The following SLCO3A1 variants were observed in gnomAD, a reference collection of about 807,000 sequenced individuals.
SLCO3A1 encodes PGE1 transporter.
SLCO3A1 carries 27 observed loss-of-function variants against 63.1 expected under a neutral mutation model. The observed-to-expected ratio is 0.43, with a 90% CI of 0.32 to 0.59. The LOEUF is 0.59. Among genes scored for constraint, SLCO3A1 ranks in the 20% least tolerant of loss-of-function variants. The pLI is 0.09. For synonymous variants in SLCO3A1, 473 were observed against 409.9 expected (o/e 1.15, Z -1.86); for missense variants, 773 against 945.8 (o/e 0.82, Z 2.40).
chr15:92,049,305 G>T (rs901243708), intron 2 of SLCO3A1, among the ~76,000 whole-genome samples: 4 of 152,158 alleles, frequency 2.6e-5, no homozygotes, highest in African/African-American at 9.7e-5. Context: ...CTGAAATCCA[G>T]ATTCCCAGGA....
rs1416386723 is a variant in SLCO3A1, at chr15:91,875,993, C to T, written c.180+21905C>T. Among the ~76,000 whole-genome samples, 1 of 152,150 alleles carries T rather than the reference C, an allele frequency of 6.6e-6. No individual in the cohort carries two copies. Among genetic ancestry groups the T allele is most frequent in the African/African-American group, 2.4e-5 (1 of 41,436 alleles). ...TAAAGAATTCTTAGAGTTGTGGTCT[C>T]AGATCTCTAGATCCCAGAGATGCCA... On this transcript the variant is annotated intron_variant, in intron 1 of 9. Coordinates refer to ENST00000318445, the MANE Select transcript of SLCO3A1 (RefSeq NM_013272.4). The surrounding 1 kb of genome is among the most constrained non-coding windows in gnomAD (Gnocchi z 4.5).
intron 1 of SLCO3A1, among the ~76,000 whole-genome samples, chr15:91,866,715 G>T (rs376182182): frequency 1.3e-4 from 20 of 151,588 alleles, no homozygotes; most frequent in Non-Finnish European, 2.7e-4. Flanking sequence ...GATTTATCGT[G>T]GGGGGGGAGA....
intron 2 of SLCO3A1, among the ~76,000 whole-genome samples, chr15:91,938,327 C>T (rs1040364708): frequency 6.6e-6 from 1 of 152,146 alleles, no homozygotes; most frequent in Admixed American, 6.5e-5. Context: ...TCCTCCTTCT[C>T]CCAAATTTCC....
chr15:92,110,824 C>T (rs117140380), intron 4 of SLCO3A1, among the ~76,000 whole-genome samples: 171 of 152,164 alleles, frequency 1.1e-3, no homozygotes, highest in East Asian at 2.1e-3. Context: ...CCTAAAGCTC[C>T]CCTGCCCCCT....
At chr15:92,041,950 G>A (rs573467265) in intron 2 of SLCO3A1, among the ~76,000 whole-genome samples, 1 of 152,202 alleles carries the variant, frequency 6.6e-6, no homozygotes, top group South Asian at 2.1e-4. Flanking sequence ...TGGGGGTGGG[G>A]TGTTATTTAA....
At chr15:91,983,974 G>A (rs1246599177) in intron 2 of SLCO3A1, among the ~76,000 whole-genome samples, 3 of 152,186 alleles carry the variant, frequency 2.0e-5, no homozygotes, top group East Asian at 3.9e-4. Flanking sequence ...AATCAAGACA[G>A]GGAGCTTGTG....
intron 2 of SLCO3A1, among the ~76,000 whole-genome samples, chr15:92,038,966 T>C (rs2046761744): frequency 6.6e-6 from 1 of 152,182 alleles, no homozygotes; most frequent in Non-Finnish European, 1.5e-5. Flanking sequence ...TACAACCATC[T>C]GATCTTCAAG....
downstream of SLCO3A1, among the ~76,000 whole-genome samples, chr15:92,168,718 G>C (rs755105686): frequency 6.6e-5 from 10 of 152,210 alleles, no homozygotes; most frequent in Non-Finnish European, 1.3e-4. Flanking sequence ...CTGACCATGA[G>C]ACTCTTAATT....
intron 2 of SLCO3A1, among the ~76,000 whole-genome samples, chr15:91,959,723 CAAAAAA>C (rs34759500): frequency 1.4e-5 from 1 of 71,986 alleles, no homozygotes. Context: ...GACTCCATCT[CAAAAAA>C]AAAAAAAAAA....
At chr15:91,911,541 G>C (rs1294265095) in intron 1 of SLCO3A1, among the ~76,000 whole-genome samples, 1 of 152,168 alleles carries the variant, frequency 6.6e-6, no homozygotes, top group Non-Finnish European at 1.5e-5. Context: ...CCTGGTGCCT[G>C]AATGGTCAGT....
chr15:92,164,243 T>C lies in SLCO3A1; in HGVS notation c.*1108T>C. ...TGATACAAGGGATGCAATTAACCTA[T>C]TGTAATTTTCATCATTTTATCCTCA... On this transcript the variant is annotated 3_prime_UTR_variant, in exon 10 of 10. Transcript: ENST00000318445. The C allele has an allele frequency of 2.0e-6, 2 of 984,722 alleles. No homozygotes were observed. The highest frequency in any genetic ancestry group is 2.4e-6 in the Non-Finnish European group (2 of 829,288). The allele number at this position is 984,722 out of a possible 1,614,324, so 61.0% of individuals were successfully genotyped here.
At chr15:91,896,283 A>T (rs1898001320) in intron 1 of SLCO3A1, among the ~76,000 whole-genome samples, 1 of 152,186 alleles carries the variant, frequency 6.6e-6, no homozygotes, top group African/African-American at 2.4e-5. Context: ...CTGGATGAGG[A>T]CTCAGAGTGA....
intron 2 of SLCO3A1, among the ~76,000 whole-genome samples, chr15:91,993,883 C>A (rs1023488151): frequency 6.6e-6 from 1 of 152,194 alleles, no homozygotes; most frequent in Non-Finnish European, 1.5e-5. Context: ...GACACCTAAG[C>A]AGGCTGTGGA....
intron 2 of SLCO3A1, among the ~76,000 whole-genome samples, chr15:92,079,483 C>T (rs969222767): frequency 3.9e-5 from 6 of 152,244 alleles, no homozygotes; most frequent in African/African-American, 1.4e-4. Flanking sequence ...TGTGCCCTCA[C>T]ACGGTCTGTC....
intron 2 of SLCO3A1, among the ~76,000 whole-genome samples, chr15:92,000,891 G>A (rs572983535): frequency 6.6e-6 from 1 of 152,162 alleles, no homozygotes; most frequent in Non-Finnish European, 1.5e-5. Flanking sequence ...AACTTGGGAT[G>A]CTCTGTCTCC....
At chr15:91,975,056 G>A (rs1901046297) in intron 2 of SLCO3A1, among the ~76,000 whole-genome samples, 1 of 152,154 alleles carries the variant, frequency 6.6e-6, no homozygotes, top group Non-Finnish European at 1.5e-5. Context: ...CATCATAGGT[G>A]TTTTATGAGA....
intron 2 of SLCO3A1, among the ~76,000 whole-genome samples, chr15:92,051,044 C>A (rs1429139754): frequency 6.6e-6 from 1 of 152,332 alleles, no homozygotes; most frequent in South Asian, 2.1e-4. Flanking sequence ...TTCTGCCCCA[C>A]GTCACTCTGT....
At chr15:91,990,047 G>A (rs1269327673) in intron 2 of SLCO3A1, among the ~76,000 whole-genome samples, 2 of 152,198 alleles carry the variant, frequency 1.3e-5, no homozygotes. Flanking sequence ...CAAATGCATT[G>A]CTTACCACTT....
rs1421365319 is a variant in SLCO3A1 at position 91,950,714 on chromosome 15, T to C, written c.646+34256T>C. ...TGTATTTCACAACCAGTCTGATTGCTCTTGTCCCAAGTCATTGCTTTTTGG... is the reference window on the plus strand; with the variant it reads ...TGTATTTCACAACCAGTCTGATTGCCCTTGTCCCAAGTCATTGCTTTTTGG... On this transcript the variant is annotated intron_variant, in intron 2 of 9. Transcript: ENST00000318445. The surrounding 1 kb of genome is among the most constrained non-coding windows in gnomAD (Gnocchi z 4.4). Among the ~76,000 whole-genome samples, 3 of 152,220 alleles carry C rather than the reference T, an allele frequency of 2.0e-5. No homozygotes were observed. The highest frequency in any genetic ancestry group is 7.2e-5 in the African/African-American group (3 of 41,472).
Sources: allele counts gnomAD v4.1 joint callset (sites outside exome capture counted in the v4.1 genomes callset), GRCh38; gene constraint gnomAD v4.1.1; non-coding constraint Gnocchi (gnomAD v3.1); transcripts MANE v1.5; gene names NCBI Gene and HGNC (gene_info 2026-07-23, HGNC 2026-07-21).